FOXN3: variants seen among roughly 807,000 people sequenced by gnomAD.
The protein encoded by FOXN3 is forkhead box N3, also known as forkhead box protein N3.
FOXN3 carries 7 observed loss-of-function variants against 38.4 expected under a neutral mutation model. That is an observed-to-expected ratio of 0.18 (90% CI 0.10 to 0.34). The LOEUF is 0.34. Ranked by LOEUF, FOXN3 falls within the 10% of genes least tolerant of loss-of-function variation. FOXN3 has a pLI of 1.00. For missense variants in FOXN3, 456 were observed against 613.4 expected (o/e 0.74, Z 2.71); for synonymous variants, 230 against 242.2 (o/e 0.95, Z 0.47).
intron 1 of FOXN3, among the ~76,000 whole-genome samples, chr14:89,512,297 G>A (rs1483661090): frequency 1.3e-5 from 2 of 152,168 alleles, no homozygotes; most frequent in Admixed American, 1.3e-4. Flanking sequence ...AAACGCATAC[G>A]AATAATTATT....
At chr14:89,348,794 T>C (rs1888856318) in intron 3 of FOXN3, among the ~76,000 whole-genome samples, 1 of 152,160 alleles carries the variant, frequency 6.6e-6, no homozygotes, top group African/African-American at 2.4e-5. Flanking sequence ...AAAAATCAAA[T>C]GAAGTCATTA....
intron 1 of FOXN3, among the ~76,000 whole-genome samples, chr14:89,524,725 G>T (rs1015262553): frequency 1.3e-5 from 2 of 151,910 alleles, no homozygotes; most frequent in Admixed American, 1.3e-4. Context: ...TTCCCTAAAA[G>T]ATACAAACAA....
intron 1 of FOXN3, among the ~76,000 whole-genome samples, chr14:89,569,119 G>A (rs1307847803): frequency 6.6e-6 from 1 of 152,182 alleles, no homozygotes; most frequent in African/African-American, 2.4e-5. Context: ...GCAGGAGAAT[G>A]GCGTGAACCT....
rs1324747551 is a variant in FOXN3, at chr14:89,158,865, C to G, written c.*3549G>C. ...AATATTGCTATAGTTCCCCGTTTCC[C>G]CCTCCCCCCTGCCCCGTGTGAGTAT... is the stretch of plus-strand genomic sequence containing the variant. On this transcript the variant is annotated 3_prime_UTR_variant, in exon 6 of 6. Coordinates refer to ENST00000557258, the MANE Select transcript of FOXN3 (RefSeq NM_005197.4). 1 of 152,272 alleles carries G rather than the reference C, an allele frequency of 6.6e-6. No individual in the cohort carries two copies. Among genetic ancestry groups the G allele is most frequent in the Non-Finnish European group, 1.5e-5 (1 of 68,020 alleles). 9.4% of individuals were successfully genotyped at this position (152,272 alleles called of 1,614,324 possible).
chr14:89,576,501 C>G (rs1319986942), intron 1 of FOXN3: 2 of 146,872 alleles, frequency 1.4e-5, no homozygotes, highest in African/African-American at 5.1e-5. Flanking sequence ...TAAGCTTTAG[C>G]AAATGTATCA....
At chr14:89,617,576 C>G (rs965687344) in intron 1 of FOXN3, among the ~76,000 whole-genome samples, 1 of 152,118 alleles carries the variant, frequency 6.6e-6, no homozygotes, top group Admixed American at 6.5e-5. Context: ...CAGATCAAAA[C>G]CCGGTTAGGA....
chr14:89,511,175 TTC>T (rs1491584850), intron 1 of FOXN3, among the ~76,000 whole-genome samples: 1 of 46,396 alleles, frequency 2.2e-5, no homozygotes, highest in African/African-American at 5.8e-5. Context: ...CTTTCTTTCT[TTC>T]TTTCTTTCTT....
At chr14:89,473,186 G>A (rs1229697222) in intron 1 of FOXN3, among the ~76,000 whole-genome samples, 2 of 151,652 alleles carry the variant, frequency 1.3e-5, no homozygotes, top group Non-Finnish European at 2.9e-5. Context: ...CACCACGCCT[G>A]GCTAATTTTT....
At chr14:89,551,221 T>C (rs1007954074) in intron 1 of FOXN3, among the ~76,000 whole-genome samples, 1 of 152,134 alleles carries the variant, frequency 6.6e-6, no homozygotes, top group African/African-American at 2.4e-5. Context: ...GATGGTGAGG[T>C]GGAGGACAAC....
intron 4 of FOXN3, among the ~76,000 whole-genome samples, chr14:89,280,326 G>A (rs753591506): frequency 2.0e-5 from 3 of 152,162 alleles, no homozygotes; most frequent in Non-Finnish European, 2.9e-5. Flanking sequence ...GAGGTGAAAG[G>A]TCATTGGAAT....
chr14:89,470,933 G>C (rs1319971016), intron 1 of FOXN3, among the ~76,000 whole-genome samples: 1 of 152,164 alleles, frequency 6.6e-6, no homozygotes, highest in East Asian at 1.9e-4. Context: ...AACTGGGCTT[G>C]GTCCTTGCAA....
At chr14:89,301,223 C>T (rs1001671397) in intron 3 of FOXN3, among the ~76,000 whole-genome samples, 6 of 151,838 alleles carry the variant, frequency 4.0e-5, no homozygotes, top group African/African-American at 1.5e-4. Context: ...ATAATCCTAC[C>T]ATTTTGGGAG....
intron 3 of FOXN3, among the ~76,000 whole-genome samples, chr14:89,295,401 G>A (rs2139939230): frequency 6.6e-6 from 1 of 152,286 alleles, no homozygotes; most frequent in South Asian, 2.1e-4. Context: ...ACAGGTATGT[G>A]TGTCTCACCT....
At chr14:89,218,781 T>C (rs1020607532) in intron 4 of FOXN3, among the ~76,000 whole-genome samples, 4 of 152,220 alleles carry the variant, frequency 2.6e-5, no homozygotes, top group African/African-American at 9.6e-5. Context: ...AAAGAGACTT[T>C]CTGGGTCTTG....
intron 4 of FOXN3, among the ~76,000 whole-genome samples, chr14:89,209,716 T>C (rs1596104934): frequency 6.6e-6 from 1 of 152,228 alleles, no homozygotes; most frequent in African/African-American, 2.4e-5. Flanking sequence ...AAAAGAATAA[T>C]TGCTTTACTC....
intron 4 of FOXN3, among the ~76,000 whole-genome samples, chr14:89,206,473 C>T (rs1888388401): frequency 6.6e-6 from 1 of 152,178 alleles, no homozygotes. Context: ...TGAACAGACC[C>T]AGGCAGATTG....
chr14:89,281,028 G>T lies in FOXN3; in HGVS notation c.681-14C>A. 1 of 1,611,980 alleles carries T rather than the reference G, an allele frequency of 6.2e-7. No homozygotes were observed. The highest frequency in any genetic ancestry group is 8.5e-7 in the Non-Finnish European group (1 of 1,179,134). On this transcript the variant is annotated splice_polypyrimidine_tract_variant and intron_variant, in intron 3 of 5. Coordinates refer to ENST00000557258, the MANE Select transcript of FOXN3 (RefSeq NM_005197.4). ...GGACCTGATGTGCTGAAAGAGAAAA[G>T]AAACTAGCATAAGGCCAAGTTCATC...
At chr14:89,195,605 CA>C (rs1463823025) in intron 4 of FOXN3, among the ~76,000 whole-genome samples, 7 of 152,216 alleles carry the variant, frequency 4.6e-5, no homozygotes, top group Non-Finnish European at 1.0e-4. Context: ...ACAAGATCTC[CA>C]GGAGGGGAGC....
At chr14:89,527,638 C>A (rs1412232573) in intron 1 of FOXN3, among the ~76,000 whole-genome samples, 1 of 151,652 alleles carries the variant, frequency 6.6e-6, no homozygotes, top group African/African-American at 2.4e-5. Context: ...ACCACAATAG[C>A]CATTAAGGAA....
Sources: allele counts gnomAD v4.1 joint callset (sites outside exome capture counted in the v4.1 genomes callset), GRCh38; gene constraint gnomAD v4.1.1; transcripts MANE v1.5; gene names NCBI Gene and HGNC (gene_info 2026-07-23, HGNC 2026-07-21).